Variants in ZNF385D observed in about 807,000 individuals in gnomAD.
ZNF385D encodes zinc finger protein 659.
In ZNF385D, 15 loss-of-function variants were observed where a neutral mutation model predicts 35.8. The observed-to-expected ratio is 0.42, with a 90% CI of 0.28 to 0.64. The LOEUF (loss-of-function observed/expected upper bound fraction) is 0.64. ZNF385D is among the 30% of genes least tolerant of loss of function. The pLI is 0.23. For synonymous variants in ZNF385D, 212 were observed against 186.8 expected, an observed-to-expected ratio of 1.13 and a Z score of -1.10; for missense variants, 474 against 494.6, an observed-to-expected ratio of 0.96 and a Z score of 0.39.
intron 3 of ZNF385D, among the ~76,000 whole-genome samples, chr3:21,907,529 T>G (rs192123351): frequency 4.0e-4 from 61 of 152,254 alleles, no homozygotes; most frequent in Admixed American, 3.4e-3. Flanking sequence ...ATTTCCCATT[T>G]TTTTGTTATT....
In ZNF385D at chr3:21,712,865, C is replaced by G. The variant is rs532114423; in HGVS notation, c.22+38030G>C. Among the ~76,000 whole-genome samples, 8 of 152,340 alleles carry G rather than the reference C, an allele frequency of 5.3e-5. No individual in the cohort carries two copies. In the South Asian group the frequency reaches 1.7e-3, roughly 32 times the overall value. Reference sequence around the variant, plus strand: ...TACTGTCAGTGAATTAATTCCTTCTCCATTTATCCCCTGAAATATTGCAAC... The same window carrying G: ...TACTGTCAGTGAATTAATTCCTTCTGCATTTATCCCCTGAAATATTGCAAC... On this transcript the variant is annotated intron_variant, in intron 1 of 7. Coordinates refer to ENST00000281523, the MANE Select transcript of ZNF385D (RefSeq NM_024697.3).
chr3:21,847,315 C>G (rs75522796), intron 3 of ZNF385D, among the ~76,000 whole-genome samples: 4 of 151,964 alleles, frequency 2.6e-5, no homozygotes, highest in African/African-American at 4.8e-5. Flanking sequence ...TGGAGTTCCA[C>G]TGTTTAAGAA....
At chr3:21,633,457 G>A (rs552646424) in intron 2 of ZNF385D, among the ~76,000 whole-genome samples, 13 of 151,986 alleles carry the variant, frequency 8.6e-5, no homozygotes, top group African/African-American at 2.7e-4. Flanking sequence ...GAAAGAAAGA[G>A]CAAAGAAGTA....
At chr3:21,727,226 G>T (rs1441802631) in intron 1 of ZNF385D, among the ~76,000 whole-genome samples, 4 of 152,066 alleles carry the variant, frequency 2.6e-5, no homozygotes, top group African/African-American at 9.7e-5. Flanking sequence ...AATTCTAGAA[G>T]AAAAGCTAGG....
intron 3 of ZNF385D, among the ~76,000 whole-genome samples, chr3:21,832,503 T>TTATGTTG: frequency 6.6e-6 from 1 of 152,178 alleles, no homozygotes; most frequent in Non-Finnish European, 1.5e-5. Flanking sequence ...TTCCTCATGA[T>TTATGTTG]TACAGAAAGT....
intron 2 of ZNF385D, among the ~76,000 whole-genome samples, chr3:22,172,204 T>C (rs548421778): frequency 9.6e-4 from 147 of 152,334 alleles, no homozygotes; most frequent in African/African-American, 3.3e-3. Flanking sequence ...AATGTAGGTA[T>C]AGACAGCACT....
intron 2 of ZNF385D, among the ~76,000 whole-genome samples, chr3:22,321,184 T>TC (rs1314864701): frequency 1.3e-5 from 2 of 149,944 alleles, no homozygotes; most frequent in Non-Finnish European, 3.0e-5. Flanking sequence ...TTTTTTTTTT[T>TC]TCATTTTCTG....
At chr3:22,268,885 G>C (rs1701031263) in intron 2 of ZNF385D, among the ~76,000 whole-genome samples, 1 of 151,866 alleles carries the variant, frequency 6.6e-6, no homozygotes, top group African/African-American at 2.4e-5. Flanking sequence ...AAAATAGTGG[G>C]GGTGGGGGAG....
chr3:22,275,684 T>A (rs572823808), intron 2 of ZNF385D, among the ~76,000 whole-genome samples: 58 of 152,262 alleles, frequency 3.8e-4, no homozygotes, highest in Non-Finnish European at 6.9e-4. Context: ...CTTTAATAAA[T>A]GACAGAAAAG....
intron 3 of ZNF385D, among the ~76,000 whole-genome samples, chr3:21,823,078 A>T (rs1324000547): frequency 1.3e-5 from 2 of 151,612 alleles, no homozygotes; most frequent in Non-Finnish European, 3.0e-5. Flanking sequence ...GTGGATACTC[A>T]GGAGTTTTTA....
intron 2 of ZNF385D, among the ~76,000 whole-genome samples, chr3:22,313,182 AG>A (rs1703674937): frequency 6.7e-6 from 1 of 149,296 alleles, no homozygotes; most frequent in Admixed American, 6.7e-5. Flanking sequence ...TCTCACTCAA[AG>A]GTGGGAAATG....
intron 2 of ZNF385D, among the ~76,000 whole-genome samples, chr3:21,642,500 A>C (rs1402748798): frequency 1.3e-5 from 2 of 152,034 alleles, no homozygotes; most frequent in Non-Finnish European, 2.9e-5. Context: ...GCATGACATA[A>C]CGTATCTTTT....
At chr3:21,499,886 G>T (rs1339667795) in intron 4 of ZNF385D, among the ~76,000 whole-genome samples, 3 of 152,106 alleles carry the variant, frequency 2.0e-5, no homozygotes, top group African/African-American at 7.2e-5. Context: ...TGGAAGAGTG[G>T]CATAGACCCT....
At chr3:21,905,978 C>A (rs1310089969) in intron 3 of ZNF385D, among the ~76,000 whole-genome samples, 1 of 152,052 alleles carries the variant, frequency 6.6e-6, no homozygotes, top group African/African-American at 2.4e-5. Context: ...TAGGAGAAAA[C>A]CTACAAATAA....
chr3:21,885,265 T>A (rs1388554155), intron 3 of ZNF385D, among the ~76,000 whole-genome samples: 1 of 152,090 alleles, frequency 6.6e-6, no homozygotes, highest in African/African-American at 2.4e-5. Context: ...TTCATTTTTT[T>A]CTTTCATTCT....
At chr3:22,168,948 G>T (rs1034227216) in exon 3 of ZNF385D, 1 of 985,810 alleles carries the variant, frequency 1.0e-6, no homozygotes, top group Non-Finnish European at 1.2e-6. Flanking sequence ...AGTAAAGTTG[G>T]TATGTTTCTT....
intron 4 of ZNF385D, among the ~76,000 whole-genome samples, chr3:21,458,625 C>T (rs1413546874): frequency 6.6e-6 from 1 of 151,974 alleles, no homozygotes; most frequent in Non-Finnish European, 1.5e-5. Flanking sequence ...TAAAAAGGGA[C>T]AAAGCCATGG....
At chr3:22,019,133 C>T (rs779243332) in intron 3 of ZNF385D, among the ~76,000 whole-genome samples, 23 of 134,688 alleles carry the variant, frequency 1.7e-4, no homozygotes, top group South Asian at 9.9e-4. Context: ...TATCCTGTCT[C>T]CTATACAGGG....
At chr3:21,760,900 A>C (rs1261877833) in intron 3 of ZNF385D, among the ~76,000 whole-genome samples, 1 of 152,196 alleles carries the variant, frequency 6.6e-6, no homozygotes, top group Non-Finnish European at 1.5e-5. Context: ...ATTTAGCGTC[A>C]TTTTTAAATG....
Sources: gnomAD v4.1 joint callset for allele counts (sites outside exome capture counted in the v4.1 genomes callset) on GRCh38, gnomAD v4.1.1 for gene constraint, MANE v1.5 for transcripts, NCBI Gene and HGNC (gene_info 2026-07-23, HGNC 2026-07-21) for gene names.